Variants in CAPN1 observed in about 807,000 individuals in gnomAD.
The protein encoded by CAPN1 is calpain-1 catalytic subunit.
CAPN1 carries 77 observed loss-of-function variants against 105.2 expected under a neutral mutation model. The ratio of observed to expected loss-of-function variants is 0.73; its 90% CI spans 0.61 to 0.88. The LOEUF is 0.88. Among genes scored for constraint, CAPN1 ranks in the 40% least tolerant of loss-of-function variants. The pLI is 0.00. For synonymous variants in CAPN1, 355 were observed against 388.8 expected (o/e 0.91, Z 1.02); for missense variants, 833 against 976.6 (o/e 0.85, Z 1.96).
chr11:65,184,613 C>T (rs1948605806), intron 4 of CAPN1, among the ~76,000 whole-genome samples: 1 of 152,124 alleles, frequency 6.6e-6, no homozygotes, highest in Non-Finnish European at 1.5e-5. Context: ...AAACAAAGCC[C>T]GTGATTGTGA....
chr11:65,183,697 C>T, intron 4 of CAPN1, 105 bp downstream of exon 4: 1 of 745,374 alleles, frequency 1.3e-6, no homozygotes, highest in Non-Finnish European at 2.3e-6. Flanking sequence ...GCCAGCCCTC[C>T]CTCTAGCAGG....
intron 10 of CAPN1, among the ~76,000 whole-genome samples, chr11:65,199,902 T>C (rs1000227036): frequency 6.6e-6 from 1 of 152,204 alleles, no homozygotes; most frequent in Non-Finnish European, 1.5e-5. Flanking sequence ...TTGTCCACTG[T>C]GGCTGCTGCT....
chr11:65,201,926 G>A (rs1174988040), intron 10 of CAPN1, among the ~76,000 whole-genome samples: 2 of 150,528 alleles, frequency 1.3e-5, no homozygotes, highest in African/African-American at 2.4e-5. Flanking sequence ...GGGTTCAAGC[G>A]ATTTTCCTGC....
At chr11:65,187,030 C>A (rs1462163990) in intron 6 of CAPN1, among the ~76,000 whole-genome samples, 185 bp from the exon 7 acceptor site, 2 of 152,154 alleles carry the variant, frequency 1.3e-5, no homozygotes, top group Non-Finnish European at 2.9e-5. Context: ...ACCCAGGCTA[C>A]CCCTCTCCAA....
At chr11:65,207,962 T>C in intron 14 of CAPN1, 93 bp from the exon 15 acceptor site, 1 of 818,394 alleles carries the variant, frequency 1.2e-6, no homozygotes, top group Admixed American at 2.6e-5. Flanking sequence ...AAGTGACTTG[T>C]AGCAGATATG....
Position 65,187,277 on chromosome 11 carries a change from C to T in CAPN1, c.822C>T (p.Tyr274=). The T allele has an allele frequency of 3.7e-6, 6 of 1,613,110 alleles. No homozygotes were observed. The highest frequency in any genetic ancestry group is 5.1e-6 in the Non-Finnish European group (6 of 1,179,394). The stretch of plus-strand genomic sequence containing the variant: ...AGAAGTTGGTGAAGGGCCATGCCTA[C>T]TCTGTGACCGGGGCCAAGCAGGTAC... ...TFKKLVKGHA[Y]SVTGAKQVNY... Residue 274 remains tyrosine (Y), a synonymous_variant, in exon 7 of 22, where the codon TAC becomes TAT. Transcript: ENST00000279247.
At chr11:65,206,322 C>T in intron 12 of CAPN1, 141 bp from the exon 13 acceptor site, 1 of 657,620 alleles carries the variant, frequency 1.5e-6, no homozygotes, top group Non-Finnish European at 2.7e-6. Flanking sequence ...TTGTTAGGGT[C>T]ACACAGGCTG....
intron 10 of CAPN1, among the ~76,000 whole-genome samples, chr11:65,196,261 T>A (rs1948791458): frequency 6.6e-6 from 1 of 151,938 alleles, no homozygotes; most frequent in South Asian, 2.1e-4. Context: ...TCTGCTTGCT[T>A]TGGGTTCAAT....
intron 12 of CAPN1, chr11:65,206,209 T>C (rs554111337): frequency 1.4e-4 from 80 of 581,840 alleles, no homozygotes; most frequent in Non-Finnish European, 2.2e-4. Context: ...GACAGTGTTA[T>C]TGAAACACAT....
At chr11:65,197,263 A>G (rs1201046539) in intron 10 of CAPN1, among the ~76,000 whole-genome samples, 2 of 152,198 alleles carry the variant, frequency 1.3e-5, no homozygotes, top group African/African-American at 4.8e-5. Flanking sequence ...ATAACATCCT[A>G]ATGGCTTTGC....
chr11:65,199,015 A>G (rs991967092), intron 10 of CAPN1, among the ~76,000 whole-genome samples: 1 of 152,136 alleles, frequency 6.6e-6, no homozygotes, highest in Non-Finnish European at 1.5e-5. Context: ...TTGTATTTTT[A>G]GTAGAGATGG....
In CAPN1 at chr11:65,208,330, A is replaced by G. The variant is rs1948995144; in HGVS notation, c.1729+68A>G. The G allele has an allele frequency of 2.8e-6, 4 of 1,422,786 alleles. No individual in the cohort carries two copies. The South Asian group carries it at 4.9e-5, about 17-fold the overall frequency. The allele number at this position is 1,422,786 out of a possible 1,614,324, so 88.1% of individuals were successfully genotyped here. A position where few individuals can be genotyped will look rare whatever the true frequency, so the allele number is the denominator to read the frequency against. On this transcript the variant is annotated intron_variant, in intron 16 of 21. Coordinates refer to ENST00000279247, the MANE Select transcript of CAPN1 (RefSeq NM_005186.4). The surrounding 1 kb of genome is among the most constrained non-coding windows in gnomAD (Gnocchi z 4.1). ...CACATCAGAATCCAGGCTCCTGCTC[A>G]CACATTGAGCTGAACCTCATCCCTT...
Position 65,182,589 on chromosome 11 carries a change from C to T in CAPN1, c.-1-112C>T. 3.3e-6 allele frequency: 4 copies of T among 1,213,316 alleles called. No homozygotes were observed. The South Asian group carries it at 6.9e-5, about 21-fold the overall frequency. The allele number at this position is 1,213,316 out of a possible 1,614,324, so 75.2% of individuals were successfully genotyped here. The stretch of plus-strand genomic sequence containing the variant: ...TGAGGGGAGCAGTGAGGCAGGGAAA[C>T]CCTAGGTTTGGGGATGGATAAGCAG... On this transcript the variant is annotated intron_variant, in intron 1 of 21. Transcript: ENST00000279247.
rs916400891 is a variant in CAPN1 at position 65,210,597 on chromosome 11, G to A, written c.2059+145G>A. On this transcript the variant is annotated intron_variant, in intron 20 of 21. Transcript: ENST00000279247. This position sits in a 1 kb window ranked among gnomAD's most constrained non-coding sequence, Gnocchi z 4.3. ...AGAGAGGCCTGGGTCTGGGTTTGGG[G>A]GGCCCTGGCTGAGTGCCAGGAGAGT... 1.5e-5 allele frequency: 11 copies of A among 713,438 alleles called. No individual in the cohort carries two copies. Among genetic ancestry groups the A allele is most frequent in the East Asian group, 2.7e-5 (1 of 37,174 alleles). The allele number at this position is 713,438 out of a possible 1,614,324, so 44.2% of individuals were successfully genotyped here. A position where few individuals can be genotyped will look rare whatever the true frequency, so the allele number is the denominator to read the frequency against.
intron 7 of CAPN1, chr11:65,187,704 T>C: frequency 2.2e-6 from 1 of 455,686 alleles, no homozygotes; most frequent in Non-Finnish European, 4.0e-6. Context: ...CTGGCCAACA[T>C]GGTGAAACTC....
rs556600412 is a variant in CAPN1 at position 65,208,273 on chromosome 11, G to A, written c.1729+11G>A. ...GGATCATCAGCAAACGTGAGTCCCC[G>A]CGGGGCTGTCCCACCACCCCACCAT... On this transcript the variant is annotated intron_variant, in intron 16 of 21. Coordinates refer to ENST00000279247, the MANE Select transcript of CAPN1 (RefSeq NM_005186.4). This position sits in a 1 kb window ranked among gnomAD's most constrained non-coding sequence, Gnocchi z 4.1. The A allele has an allele frequency of 4.6e-5, 71 of 1,556,022 alleles. No individual in the cohort carries two copies. Among genetic ancestry groups the A allele is most frequent in the South Asian group, 1.2e-4 (10 of 84,332 alleles).
intron 10 of CAPN1, 38 bp from the exon 11 acceptor site, chr11:65,204,645 G>T (rs761823972): frequency 1.3e-6 from 2 of 1,592,416 alleles, no homozygotes; most frequent in Admixed American, 1.7e-5. Flanking sequence ...GCTCTGCCCC[G>T]CCCTGCCTCT....
At chr11:65,201,876 G>T (rs1466842832) in intron 10 of CAPN1, among the ~76,000 whole-genome samples, 11 of 149,966 alleles carry the variant, frequency 7.3e-5, no homozygotes, top group African/African-American at 2.2e-4. Context: ...AGGCTGGAGT[G>T]CAGTGGCATG....
Position 65,206,856 on chromosome 11 carries a change from T to A in CAPN1, c.1605+37T>A. ...CACCCCACCAGGCCCCGTCCTCCTCTCTTCCTCACCCCTGGGTGTGTGATG... is the reference window on the plus strand; with the variant it reads ...CACCCCACCAGGCCCCGTCCTCCTCACTTCCTCACCCCTGGGTGTGTGATG... On this transcript the variant is annotated intron_variant, in intron 14 of 21. Transcript: ENST00000279247. 3.8e-6 allele frequency: 6 copies of A among 1,591,818 alleles called. 1 individual carries two copies. The South Asian group carries it at 6.8e-5, about 18-fold the overall frequency.
Sources: gnomAD v4.1 joint callset for allele counts (sites outside exome capture counted in the v4.1 genomes callset) on GRCh38, gnomAD v4.1.1 for gene constraint, Gnocchi (gnomAD v3.1) non-coding constraint, MANE v1.5 for transcripts, NCBI Gene and HGNC (gene_info 2026-07-23, HGNC 2026-07-21) for gene names.